SPRED2: variants seen among roughly 807,000 people sequenced by gnomAD.
SPRED2 encodes sprouty related EVH1 domain containing 2, also known as sprouty-related, EVH1 domain-containing protein 2.
SPRED2 carries 47 observed loss-of-function variants against 43.0 expected under a neutral mutation model. That is an observed-to-expected ratio of 1.09 (90% CI 0.87 to 1.40). The LOEUF is 1.40. SPRED2 is among the 40% of genes most tolerant of loss of function. The pLI, the probability that SPRED2 is intolerant of heterozygous loss-of-function variation, is 0.00. For missense variants in SPRED2, 561 were observed against 586.4 expected (o/e 0.96, Z 0.45); for synonymous variants, 225 against 225.7 (o/e 1.00, Z 0.03).
At chr2:65,307,211 T>C (rs1328445056), downstream of SPRED2, among the ~76,000 whole-genome samples, 3 of 152,294 alleles carry the variant, frequency 2.0e-5, no homozygotes, top group South Asian at 4.2e-4. Context: ...ATTTATTTAT[T>C]TAGAGACAGA....
At chr2:65,369,182 T>C (rs1183788147) in intron 1 of SPRED2, among the ~76,000 whole-genome samples, 1 of 152,206 alleles carries the variant, frequency 6.6e-6, no homozygotes, top group East Asian at 1.9e-4. Context: ...ACCAAAGTGT[T>C]AACACTGGGA....
chr2:65,386,823 A>C (rs1366721652), intron 1 of SPRED2, among the ~76,000 whole-genome samples: 1 of 152,254 alleles, frequency 6.6e-6, no homozygotes, highest in Non-Finnish European at 1.5e-5. Flanking sequence ...TTTTGTAACA[A>C]ACCTGCACGT....
intron 1 of SPRED2, among the ~76,000 whole-genome samples, chr2:65,358,918 G>A (rs1441929429): frequency 6.6e-6 from 1 of 152,190 alleles, no homozygotes; most frequent in African/African-American, 2.4e-5. Flanking sequence ...CTATCTGGGG[G>A]TGGGGTGAGG....
chr2:65,405,034 C>G (rs1675991106), intron 1 of SPRED2, among the ~76,000 whole-genome samples: 1 of 152,202 alleles, frequency 6.6e-6, no homozygotes, highest in Admixed American at 6.5e-5. Flanking sequence ...TGTAGAGATA[C>G]TATAAACAAT....
At chr2:65,394,362 G>A (rs1351074682) in intron 1 of SPRED2, among the ~76,000 whole-genome samples, 3 of 152,176 alleles carry the variant, frequency 2.0e-5, no homozygotes, top group Non-Finnish European at 4.4e-5. Context: ...GGTGGCTGCT[G>A]GCGCCCTGCA....
At chr2:65,352,873 C>G (rs535615920) in intron 1 of SPRED2, among the ~76,000 whole-genome samples, 3 of 152,356 alleles carry the variant, frequency 2.0e-5, no homozygotes, top group Non-Finnish European at 2.9e-5. Context: ...ATCCACCTGC[C>G]TCAGCATCCC....
intron 3 of SPRED2, among the ~76,000 whole-genome samples, chr2:65,333,841 C>G (rs935325355): frequency 6.6e-6 from 1 of 152,224 alleles, no homozygotes; most frequent in Non-Finnish European, 1.5e-5. Flanking sequence ...CTTCAGAACA[C>G]TTTTATTTCT....
chr2:65,395,318 C>T (rs1675730061), intron 1 of SPRED2, among the ~76,000 whole-genome samples: 2 of 152,322 alleles, frequency 1.3e-5, no homozygotes, highest in East Asian at 1.9e-4. Flanking sequence ...GTGTCCCAAC[C>T]TGACCTTCAA....
chr2:65,327,927 T>C (rs547224458), intron 4 of SPRED2, among the ~76,000 whole-genome samples: 5 of 151,888 alleles, frequency 3.3e-5, no homozygotes, highest in Non-Finnish European at 5.9e-5. Context: ...TTTCACCATG[T>C]TGGCCAGGCT....
At chr2:65,318,295 C>T (rs1001212296) in intron 4 of SPRED2, among the ~76,000 whole-genome samples, 3 of 152,072 alleles carry the variant, frequency 2.0e-5, no homozygotes, top group African/African-American at 7.2e-5. Flanking sequence ...GCCCGGTCTC[C>T]GGTATGTCTT....
intron 1 of SPRED2, among the ~76,000 whole-genome samples, chr2:65,352,707 T>C (rs1257961045): frequency 6.6e-6 from 1 of 152,238 alleles, no homozygotes; most frequent in Non-Finnish European, 1.5e-5. Flanking sequence ...CACTGCAACC[T>C]CTGCCTCCCA....
intron 1 of SPRED2, among the ~76,000 whole-genome samples, chr2:65,429,415 A>T (rs945907872): frequency 6.6e-6 from 1 of 152,240 alleles, no homozygotes; most frequent in Non-Finnish European, 1.5e-5. Context: ...AAAACAGATC[A>T]AATTCACCCA....
chr2:65,369,667 GGTCTAATTC>G (rs777804578), intron 1 of SPRED2, among the ~76,000 whole-genome samples: 146,484 of 151,326 alleles, frequency 0.97, 70,930 homozygotes, highest in East Asian at 1. Context: ...AGCAGCTTCA[GGTCTAATTC>G]TGGCTTAGAG....
At chr2:65,371,528 C>T (rs958840085) in intron 1 of SPRED2, among the ~76,000 whole-genome samples, 4 of 152,120 alleles carry the variant, frequency 2.6e-5, no homozygotes, top group Non-Finnish European at 4.4e-5. Flanking sequence ...AAGGAGGCGG[C>T]GGAGGCAGAT....
chr2:65,407,363 G>GGT (rs146254454), intron 1 of SPRED2, among the ~76,000 whole-genome samples: 17 of 150,808 alleles, frequency 1.1e-4, no homozygotes, highest in Admixed American at 2.0e-4. Flanking sequence ...GGTGGCTGCA[G>GGT]GTGTGTGTGT....
intron 1 of SPRED2, among the ~76,000 whole-genome samples, chr2:65,423,772 C>CTTTTTTTT: frequency 7.0e-6 from 1 of 143,742 alleles, no homozygotes. Flanking sequence ...CTCATTTATG[C>CTTTTTTTT]TTTTTTTTTT....
In SPRED2 at chr2:65,366,325, A is replaced by ACAACAACAACAACAC. The variant is rs56270685; in HGVS notation, c.27-21430_27-21429insGTGTTGTTGTTGTTG. ...ATAAAAAACAACAACAACAACAACA[A>ACAACAACAACAACAC]AACATTTCTATCAGAATATCTAAGG... On this transcript the variant is annotated intron_variant, in intron 1 of 5. Coordinates refer to ENST00000356388, the MANE Select transcript of SPRED2 (RefSeq NM_181784.3). Among the ~76,000 whole-genome samples, 89 of 151,236 alleles carry ACAACAACAACAACAC rather than the reference A, an allele frequency of 5.9e-4. 1 individual carries two copies. In the East Asian group the frequency reaches 8.2e-3, roughly 14 times the overall value.
At chr2:65,420,574 T>C (rs1676400104) in intron 1 of SPRED2, among the ~76,000 whole-genome samples, 1 of 152,250 alleles carries the variant, frequency 6.6e-6, no homozygotes, top group Admixed American at 6.5e-5. Context: ...TGGTTTAATA[T>C]GCATGCTAAT....
intron 1 of SPRED2, among the ~76,000 whole-genome samples, chr2:65,387,049 G>C (rs1675519088): frequency 6.6e-6 from 1 of 151,096 alleles, no homozygotes. Context: ...AAAGTATTCA[G>C]TGAATACCCT....
Sources: gnomAD v4.1 joint callset for allele counts (sites outside exome capture counted in the v4.1 genomes callset) on GRCh38, gnomAD v4.1.1 for gene constraint, MANE v1.5 for transcripts, NCBI Gene and HGNC (gene_info 2026-07-23, HGNC 2026-07-21) for gene names.